PTPRN2: variants seen among roughly 807,000 people sequenced by gnomAD.
PTPRN2 encodes protein tyrosine phosphatase receptor type N2.
PTPRN2 carries 74 observed loss-of-function variants against 118.8 expected under a neutral mutation model. The ratio of observed to expected loss-of-function variants is 0.62; its 90% confidence interval spans 0.52 to 0.76. The LOEUF (loss-of-function observed/expected upper bound fraction) is 0.76. Ranked by LOEUF, PTPRN2 falls within the 30% of genes least tolerant of loss-of-function variation. The pLI, the probability that PTPRN2 is intolerant of heterozygous loss-of-function variation, is 0.00. For synonymous variants in PTPRN2, 641 were observed against 608.0 expected (o/e 1.05, Z -0.80); for missense variants, 1,481 against 1,394.4 (o/e 1.06, Z -0.99).
chr7:158,407,368 G>C (rs865957817), intron 2 of PTPRN2, among the ~76,000 whole-genome samples: 7 of 54,564 alleles, frequency 1.3e-4, no homozygotes, highest in African/African-American at 2.8e-4. Flanking sequence ...CTGCGTCCTG[G>C]GTCCTGGGTC....
chr7:158,391,231 G>A (rs1328941098), intron 2 of PTPRN2, among the ~76,000 whole-genome samples: 2 of 152,258 alleles, frequency 1.3e-5, no homozygotes, highest in Non-Finnish European at 2.9e-5. Flanking sequence ...ATTCCCTGGA[G>A]GGACCCTCTG....
At chr7:158,157,842 A>G (rs189972857) in intron 6 of PTPRN2, among the ~76,000 whole-genome samples, 2 of 152,310 alleles carry the variant, frequency 1.3e-5, no homozygotes, top group East Asian at 1.9e-4. Flanking sequence ...CACAGGAAGA[A>G]AGGCCTCAGG....
chr7:158,513,079 G>A (rs1296227828), intron 1 of PTPRN2, among the ~76,000 whole-genome samples: 1 of 152,168 alleles, frequency 6.6e-6, no homozygotes, highest in African/African-American at 2.4e-5. Context: ...GAGTGCAGCA[G>A]GGAAAGAGGG....
chr7:158,261,056 G>A (rs895116604), intron 3 of PTPRN2, among the ~76,000 whole-genome samples: 5 of 152,150 alleles, frequency 3.3e-5, no homozygotes, highest in African/African-American at 1.2e-4. Context: ...CACTGTGATG[G>A]GACCTGGGGT....
chr7:158,441,359 T>G (rs1174475280), intron 2 of PTPRN2, among the ~76,000 whole-genome samples: 1 of 148,408 alleles, frequency 6.7e-6, no homozygotes, highest in African/African-American at 2.6e-5. Flanking sequence ...GTGGTGATGG[T>G]GATGGCAGTG....
chr7:158,361,542 G>C (rs945736923), intron 2 of PTPRN2, among the ~76,000 whole-genome samples: 1 of 152,110 alleles, frequency 6.6e-6, no homozygotes, highest in Non-Finnish European at 1.5e-5. Flanking sequence ...CAGTTCCACT[G>C]AAGCCCTGGG....
chr7:157,645,585 C>G (rs758196444), intron 14 of PTPRN2, among the ~76,000 whole-genome samples: 2 of 152,206 alleles, frequency 1.3e-5, no homozygotes, highest in Non-Finnish European at 2.9e-5. Context: ...TACTAGGAGA[C>G]AGTAAATTTC....
At position 157,583,924 on chromosome 7, in the gene PTPRN2, A is replaced by ACACACACT; in HGVS notation, c.2497-5785_2497-5784insAGTGTGTG. On this transcript the variant is annotated intron_variant, in intron 17 of 22. Coordinates refer to ENST00000389418, the MANE Select transcript of PTPRN2 (RefSeq NM_002847.5). This position sits in a 1 kb window ranked among gnomAD's most constrained non-coding sequence, Gnocchi z 5.5. ...CACACACACACACACACACACACAC[A>ACACACACT]CACACACACACTCTTAAAATAAGCT... is the stretch of plus-strand genomic sequence containing the variant. Among the ~76,000 whole-genome samples, 1 of 143,498 alleles carries ACACACACT rather than the reference A, an allele frequency of 7.0e-6. No homozygotes were observed. The highest frequency in any genetic ancestry group is 6.7e-5 in the Admixed American group (1 of 14,874). 94.1% of individuals were successfully genotyped at this position (143,498 alleles called of 152,430 possible). A position where few individuals can be genotyped will look rare whatever the true frequency, so the allele number is the denominator to read the frequency against.
rs1182681331 is a variant in PTPRN2, at chr7:158,146,263, C to G, written c.911-7748G>C. 2.6e-5 allele frequency among the ~76,000 whole-genome samples: 4 copies of G among 151,982 alleles called. No homozygotes were observed. In the East Asian group the frequency reaches 7.7e-4, roughly 29 times the overall value. ...TATGCATTTTGAAACTATTTTCTGCCAAAATATTAACCAAAATGTTAACCT... is the reference window on the plus strand; with the variant it reads ...TATGCATTTTGAAACTATTTTCTGCGAAAATATTAACCAAAATGTTAACCT... On this transcript the variant is annotated intron_variant, in intron 6 of 22. Transcript: ENST00000389418.
At chr7:157,739,979 C>A (rs532944553) in intron 12 of PTPRN2, among the ~76,000 whole-genome samples, 2 of 152,362 alleles carry the variant, frequency 1.3e-5, no homozygotes, top group East Asian at 3.9e-4. Flanking sequence ...AGCGGAATCA[C>A]TGGGACTGTA....
intron 5 of PTPRN2, among the ~76,000 whole-genome samples, chr7:158,192,082 C>T (rs1825809896): frequency 6.6e-6 from 1 of 152,170 alleles, no homozygotes. Context: ...GTCACGACAC[C>T]TTGTCCCAAG....
chr7:157,568,592 A>G (rs1241371626), intron 21 of PTPRN2, among the ~76,000 whole-genome samples: 1 of 152,218 alleles, frequency 6.6e-6, no homozygotes, highest in African/African-American at 2.4e-5. Context: ...CAGCGTATGC[A>G]GCAAACACCT....
At position 158,140,332 on chromosome 7, in the gene PTPRN2, G is replaced by A. The variant is rs78353064; in HGVS notation, c.911-1817C>T. Among the ~76,000 whole-genome samples, 1,361 of 152,306 alleles carry A rather than the reference G, an allele frequency of 8.9e-3. 19 individuals carry two copies. The highest frequency in any genetic ancestry group is 0.03 in the African/African-American group (1,265 of 41,560). On this transcript the variant is annotated intron_variant, in intron 6 of 22. Transcript: ENST00000389418. ...AGTCTTTTCCAAAAGGACATCTTCC[G>A]TATTACCCAGAAATTGGACTCGTAA... is the stretch of plus-strand genomic sequence containing the variant.
At chr7:157,736,505 G>C (rs1302353562) in intron 12 of PTPRN2, among the ~76,000 whole-genome samples, 1 of 152,204 alleles carries the variant, frequency 6.6e-6, no homozygotes, top group Non-Finnish European at 1.5e-5. Flanking sequence ...AGAAGATGCT[G>C]TCCACAAGCC....
At chr7:158,313,011 T>A (rs73510303) in intron 3 of PTPRN2, among the ~76,000 whole-genome samples, 1 of 151,742 alleles carries the variant, frequency 6.6e-6, no homozygotes. Context: ...TGTGCAGGTG[T>A]GTGCGTGTGT....
At chr7:158,171,050 T>TAC (rs1419827869) in intron 5 of PTPRN2, among the ~76,000 whole-genome samples, 2 of 77,876 alleles carry the variant, frequency 2.6e-5, no homozygotes, top group East Asian at 6.3e-4. Flanking sequence ...CATACATATA[T>TAC]ATACACATAT....
intron 3 of PTPRN2, among the ~76,000 whole-genome samples, chr7:158,312,613 CAG>C (rs1491366372): frequency 6.6e-6 from 1 of 151,258 alleles, no homozygotes; most frequent in Non-Finnish European, 1.5e-5. Context: ...TGACAAAACT[CAG>C]GAAGACACCA....
intron 3 of PTPRN2, among the ~76,000 whole-genome samples, chr7:158,221,964 C>T (rs568776677): frequency 9.2e-5 from 14 of 152,010 alleles, no homozygotes; most frequent in South Asian, 4.1e-4. Flanking sequence ...GGCCAAGAAA[C>T]GTAGGAAAAA....
intron 11 of PTPRN2, among the ~76,000 whole-genome samples, chr7:158,013,460 C>A (rs1354557339): frequency 1.3e-5 from 2 of 152,002 alleles, no homozygotes; most frequent in African/African-American, 4.8e-5. Context: ...ATCCACCCAT[C>A]CACCCACACA....
Sources: gnomAD v4.1 joint callset for allele counts (sites outside exome capture counted in the v4.1 genomes callset) on GRCh38, gnomAD v4.1.1 for gene constraint, Gnocchi (gnomAD v3.1) non-coding constraint, MANE v1.5 for transcripts, NCBI Gene and HGNC (gene_info 2026-07-23, HGNC 2026-07-21) for gene names.